Variants in LRRIQ3 observed in about 807,000 individuals in gnomAD.
LRRIQ3 encodes the protein leucine rich repeats and IQ motif containing 3, also known as leucine-rich repeat and IQ domain-containing protein 3.
In LRRIQ3, 75 loss-of-function variants were observed where a neutral mutation model predicts 59.3. The observed-to-expected ratio is 1.26, with a 90% CI of 1.05 to 1.53. The LOEUF is 1.53. LRRIQ3 is among the 40% of genes most tolerant of loss of function. The pLI is 0.00. For synonymous variants in LRRIQ3, 250 were observed against 231.3 expected (o/e 1.08, Z -0.73); for missense variants, 831 against 710.0 (o/e 1.17, Z -1.94).
At chr1:74,042,994 T>A (rs1289519352) in intron 6 of LRRIQ3, among the ~76,000 whole-genome samples, 2 of 152,110 alleles carry the variant, frequency 1.3e-5, no homozygotes, top group Admixed American at 1.3e-4. Flanking sequence ...ACCAGAATCA[T>A]CCAAGTTGGG....
intron 4 of LRRIQ3, among the ~76,000 whole-genome samples, chr1:74,142,529 G>C (rs1476366378): frequency 2.0e-5 from 3 of 151,892 alleles, no homozygotes; most frequent in Non-Finnish European, 4.4e-5. Context: ...TCTTCGAGTA[G>C]GTAGCCAAAG....
At chr1:74,143,342 T>C (rs1313648448) in intron 4 of LRRIQ3, among the ~76,000 whole-genome samples, 15 of 152,086 alleles carry the variant, frequency 9.9e-5, no homozygotes, top group Admixed American at 7.9e-4. Context: ...AGAAAGCACA[T>C]CTGTGTTCCA....
intron 4 of LRRIQ3, among the ~76,000 whole-genome samples, chr1:74,135,230 CAA>C (rs1229915306): frequency 6.6e-6 from 1 of 151,744 alleles, no homozygotes; most frequent in Non-Finnish European, 1.5e-5. Context: ...ATGTACCCAA[CAA>C]AAATGAGACT....
At chr1:74,163,431 A>G (rs1648777019) in intron 3 of LRRIQ3, among the ~76,000 whole-genome samples, 1 of 151,584 alleles carries the variant, frequency 6.6e-6, no homozygotes, top group Non-Finnish European at 1.5e-5. Context: ...CAGGGCATAG[A>G]ACAAAACTGT....
chr1:74,039,645 G>C (rs1653982280), intron 7 of LRRIQ3, among the ~76,000 whole-genome samples: 1 of 152,090 alleles, frequency 6.6e-6, no homozygotes, highest in Non-Finnish European at 1.5e-5. Context: ...CATTCTTAAA[G>C]AAAAGAATTT....
At chr1:74,027,040 A>G (rs1426422746) in intron 7 of LRRIQ3, 71 bp from the exon 8 acceptor site, 17 of 1,002,872 alleles carry the variant, frequency 1.7e-5, no homozygotes, top group Middle Eastern at 6.6e-4. Flanking sequence ...CTATTAGACT[A>G]TTAATGATAA....
rs1646316725 is a variant in LRRIQ3, at chr1:74,085,354, G to T, written c.868-10564C>A. Among the ~76,000 whole-genome samples the T allele has an allele frequency of 2.7e-5, 4 of 147,778 alleles. No individual in the cohort carries two copies. The South Asian group carries it at 8.4e-4, about 31-fold the overall frequency. On this transcript the variant is annotated intron_variant, in intron 5 of 7. Transcript: ENST00000354431. ...AAAAAAAAAAAATAAAACACAACCT[G>T]CCATAAAATGGCTAATATTTTTAGT...
intron 5 of LRRIQ3, among the ~76,000 whole-genome samples, chr1:74,107,544 AAAT>A (rs1162623770): frequency 6.6e-6 from 1 of 150,476 alleles, no homozygotes; most frequent in African/African-American, 2.4e-5. Flanking sequence ...AAGTGAATAA[AAAT>A]AATACATAAT....
chr1:74,137,130 CTAG>C (rs1647136885), intron 4 of LRRIQ3, among the ~76,000 whole-genome samples: 1 of 151,720 alleles, frequency 6.6e-6, no homozygotes, highest in African/African-American at 2.4e-5. Flanking sequence ...GACAATATAT[CTAG>C]TATAATTACA....
Position 74,186,754 on chromosome 1 carries a change from G to C in LRRIQ3, c.1-3070C>G, listed in dbSNP as rs79238919. Reference sequence around the variant, plus strand: ...ATTCAATGCCTTTTTTTTCCATTTTGTACAACAGTTTACTTTTCAGTTTCA... The same window carrying C: ...ATTCAATGCCTTTTTTTTCCATTTTCTACAACAGTTTACTTTTCAGTTTCA... On this transcript the variant is annotated intron_variant, in intron 1 of 7. Transcript: ENST00000354431. Among the ~76,000 whole-genome samples the C allele has an allele frequency of 1.3e-3, 202 of 151,464 alleles. 7 individuals are homozygous for C. The East Asian group carries it at 0.031, about 23-fold the overall frequency.
chr1:74,175,567 A>T (rs1013672037), intron 3 of LRRIQ3, among the ~76,000 whole-genome samples: 1 of 152,146 alleles, frequency 6.6e-6, no homozygotes, highest in African/African-American at 2.4e-5. Flanking sequence ...ACACAAGTAA[A>T]GTAAAATTGT....
intron 1 of LRRIQ3, among the ~76,000 whole-genome samples, chr1:74,185,211 TA>T (rs1297643367): frequency 6.6e-6 from 1 of 152,198 alleles, no homozygotes; most frequent in East Asian, 1.9e-4. Context: ...TTTCATTTTG[TA>T]AAAAACTGCT....
rs17523700 is a variant in LRRIQ3 at position 74,050,919 on chromosome 1, C to T, written c.998-8986G>A. The stretch of plus-strand genomic sequence containing the variant: ...TCAATGAAGTCTCTCCCATTACACA[C>T]GCACATATACTCTGGTATAAATGAC... On this transcript the variant is annotated intron_variant, in intron 6 of 7. Transcript: ENST00000354431. 4.0e-3 allele frequency among the ~76,000 whole-genome samples: 602 copies of T among 152,204 alleles called. 4 individuals are homozygous for T. Among genetic ancestry groups the T allele is most frequent in the Non-Finnish European group, 4.7e-3 (320 of 68,024 alleles).
chr1:74,038,372 AC>A (rs1653937626), intron 7 of LRRIQ3, among the ~76,000 whole-genome samples: 1 of 152,142 alleles, frequency 6.6e-6, no homozygotes, highest in African/African-American at 2.4e-5. Context: ...AGCAGACTTA[AC>A]CTTTCCTCCT....
chr1:74,045,958 G>A (rs537039725), intron 6 of LRRIQ3, among the ~76,000 whole-genome samples: 1 of 152,164 alleles, frequency 6.6e-6, no homozygotes, highest in African/African-American at 2.4e-5. Flanking sequence ...AAATAAGAGA[G>A]GACACAAACA....
At chr1:74,117,683 T>C (rs757766140) in intron 4 of LRRIQ3, among the ~76,000 whole-genome samples, 2 of 152,032 alleles carry the variant, frequency 1.3e-5, no homozygotes, top group Non-Finnish European at 2.9e-5. Flanking sequence ...GGAGAATCAC[T>C]TAAACTCAGG....
chr1:74,184,239 T>C (rs1291905141), intron 1 of LRRIQ3, among the ~76,000 whole-genome samples: 1 of 152,110 alleles, frequency 6.6e-6, no homozygotes, highest in Admixed American at 6.6e-5. Context: ...TTACATTCAA[T>C]TCAATTAGGA....
At chr1:74,141,357 T>C (rs1281686585) in intron 4 of LRRIQ3, among the ~76,000 whole-genome samples, 3 of 151,796 alleles carry the variant, frequency 2.0e-5, no homozygotes, top group African/African-American at 7.2e-5. Flanking sequence ...AAAATAAGCA[T>C]GGATAGATGG....
Position 74,100,324 on chromosome 1 carries a change from A to G in LRRIQ3, c.867+9070T>C, listed in dbSNP as rs1248684854. 3.3e-5 allele frequency among the ~76,000 whole-genome samples: 5 copies of G among 152,318 alleles called. No homozygotes were observed. The East Asian group carries it at 9.7e-4, about 29-fold the overall frequency. ...CATTCACAATTGCTTCAAAGAGAGTAAAATACCTAAGAATCCAACTTACAA... is the reference window on the plus strand; with the variant it reads ...CATTCACAATTGCTTCAAAGAGAGTGAAATACCTAAGAATCCAACTTACAA... On this transcript the variant is annotated intron_variant, in intron 5 of 7. Transcript: ENST00000354431.
Sources: allele counts gnomAD v4.1 joint callset (sites outside exome capture counted in the v4.1 genomes callset), GRCh38; gene constraint gnomAD v4.1.1; transcripts MANE v1.5; gene names NCBI Gene and HGNC (gene_info 2026-07-23, HGNC 2026-07-21).